RMRP: variants seen among roughly 807,000 people sequenced by gnomAD.
RMRP encodes RNase MRP RNA.
exon 1 of RMRP, chr9:35,657,996 G>C: frequency 1.4e-6 from 1 of 697,500 alleles, no homozygotes; most frequent in East Asian, 2.7e-5. Flanking sequence ...TGTAGCCTAG[G>C]ATACAGGCCT....
At chr9:35,657,845 C>G in exon 1 of RMRP, 1 of 693,818 alleles carries the variant, frequency 1.4e-6, no homozygotes, top group Non-Finnish European at 2.6e-6. Context: ...CCCCGCGCCA[C>G]GCCGCTCAGC....
At position 35,657,921 on chromosome 9, in the gene RMRP, C is replaced by CACT. The variant is rs748911449; in HGVS notation, n.94_96dup. Reference sequence around the variant, plus strand: ...AATGTCTACGTGCGTATGCACGTGGCACTCTCTGCCCGAGGTCCGGGGACT... The same window carrying CACT: ...AATGTCTACGTGCGTATGCACGTGGCACTACTCTCTGCCCGAGGTCCGGGGACT... On this transcript the variant is annotated non_coding_transcript_exon_variant, in exon 1 of 1. Coordinates refer to ENST00000363046, the Ensembl canonical transcript of RMRP. 8.6e-6 allele frequency: 6 copies of CACT among 700,428 alleles called. No individual in the cohort carries two copies. The South Asian group carries it at 8.9e-5, about 10-fold the overall frequency. 43.4% of individuals were successfully genotyped at this position (700,428 alleles called of 1,614,324 possible).
chr9:35,657,771 C>A (rs778202312), exon 1 of RMRP: 2 of 695,614 alleles, frequency 2.9e-6, no homozygotes, highest in South Asian at 3.0e-5. Context: ...TGAGAATGAG[C>A]CCCGTGTGGT....
chr9:35,657,754 G>T, exon 1 of RMRP: 1 of 685,340 alleles, frequency 1.5e-6, no homozygotes, highest in East Asian at 2.7e-5. Flanking sequence ...ACAAAAAACA[G>T]CCGCGCTGAG....
In RMRP at chr9:35,657,833, GC is replaced by G. The variant is rs1563906794; in HGVS notation, n.184del. On this transcript the variant is annotated non_coding_transcript_exon_variant, in exon 1 of 1. Coordinates refer to ENST00000363046, the Ensembl canonical transcript of RMRP. ...TAACTAGAGGGAGCTGACGGATGACGCCCCCGCGCCACGCCGCTCAGCGGGA... is the reference window on the plus strand; with the variant it reads ...TAACTAGAGGGAGCTGACGGATGACGCCCCGCGCCACGCCGCTCAGCGGGA... The G allele has an allele frequency of 1.6e-5, 11 of 693,184 alleles. No individual in the cohort carries two copies. Among genetic ancestry groups the G allele is most frequent in the East Asian group, 5.4e-5 (2 of 37,288 alleles). The allele number at this position is 693,184 out of a possible 1,614,324, so 42.9% of individuals were successfully genotyped here. A position where few individuals can be genotyped will look rare whatever the true frequency, so the allele number is the denominator to read the frequency against.
Position 35,657,973 on chromosome 9 carries a change from A to G in RMRP, n.45T>C, listed in dbSNP as rs529328233. The G allele has an allele frequency of 8.6e-5, 60 of 700,454 alleles. No homozygotes were observed. The highest frequency in any genetic ancestry group is 1.4e-4 in the Non-Finnish European group (55 of 384,808). The allele number at this position is 700,454 out of a possible 1,614,324, so 43.4% of individuals were successfully genotyped here. On this transcript the variant is annotated non_coding_transcript_exon_variant, in exon 1 of 1. Coordinates refer to ENST00000363046, the Ensembl canonical transcript of RMRP. ...TCCCCTAGGCGGAAAGGGGAGGAAC[A>G]GAGTCCTCAGTGTGTAGCCTAGGAT...
Position 35,657,974 on chromosome 9 carries a change from G to C in RMRP, n.44C>G. ...CCCCTAGGCGGAAAGGGGAGGAACA[G>C]AGTCCTCAGTGTGTAGCCTAGGATA... is the stretch of plus-strand genomic sequence containing the variant. On this transcript the variant is annotated non_coding_transcript_exon_variant, in exon 1 of 1. Transcript: ENST00000363046. The C allele has an allele frequency of 2.9e-6, 2 of 700,470 alleles. No homozygotes were observed. The highest frequency in any genetic ancestry group is 5.2e-6 in the Non-Finnish European group (2 of 384,820). 43.4% of individuals were successfully genotyped at this position (700,470 alleles called of 1,614,324 possible). A position where few individuals can be genotyped will look rare whatever the true frequency, so the allele number is the denominator to read the frequency against.
rs370797103 is a variant in RMRP, at chr9:35,657,857, G to A, written n.161C>T. 11 of 694,354 alleles carry A rather than the reference G, an allele frequency of 1.6e-5. No individual in the cohort carries two copies. Among genetic ancestry groups the A allele is most frequent in the East Asian group, 1.3e-4 (5 of 37,288 alleles). 43.0% of individuals were successfully genotyped at this position (694,354 alleles called of 1,614,324 possible). ...CGCCCCCGCGCCACGCCGCTCAGCG[G>A]GATACGCTTCTTGGCGGACTTTGGA... On this transcript the variant is annotated non_coding_transcript_exon_variant, in exon 1 of 1. Transcript: ENST00000363046.
chr9:35,657,908 C>T lies in RMRP; in HGVS notation n.110G>A, dbSNP rs1031995271. 98 of 700,454 alleles carry T rather than the reference C, an allele frequency of 1.4e-4. No homozygotes were observed. The highest frequency in any genetic ancestry group is 4.3e-4 in the East Asian group (16 of 37,282). The allele number at this position is 700,454 out of a possible 1,614,324, so 43.4% of individuals were successfully genotyped here. A position where few individuals can be genotyped will look rare whatever the true frequency, so the allele number is the denominator to read the frequency against. ...GTGGGAAGCGGGGAATGTCTACGTG[C>T]GTATGCACGTGGCACTCTCTGCCCG... is the stretch of plus-strand genomic sequence containing the variant. On this transcript the variant is annotated non_coding_transcript_exon_variant, in exon 1 of 1. Transcript: ENST00000363046.
chr9:35,658,017 C>G lies in RMRP; in HGVS notation n.1G>C, dbSNP rs905844277. On this transcript the variant is annotated non_coding_transcript_exon_variant, in exon 1 of 1. Transcript: ENST00000363046. ...CTAGGATACAGGCCTTCAGCACGAA[C>G]CACGTCCTCAGCTTCACAGAGTAGT... 25 of 690,272 alleles carry G rather than the reference C, an allele frequency of 3.6e-5. 1 individual carries two copies. In the Middle Eastern group the frequency reaches 1.1e-3, roughly 30 times the overall value. 42.8% of individuals were successfully genotyped at this position (690,272 alleles called of 1,614,324 possible). A position where few individuals can be genotyped will look rare whatever the true frequency, so the allele number is the denominator to read the frequency against.
In RMRP at chr9:35,657,968, G is replaced by A. The variant is rs1064793373; in HGVS notation, n.50C>T. The A allele has an allele frequency of 1.9e-5, 13 of 700,342 alleles. No individual in the cohort carries two copies. The highest frequency in any genetic ancestry group is 6.0e-5 in the Admixed American group (3 of 49,996). The allele number at this position is 700,342 out of a possible 1,614,324, so 43.4% of individuals were successfully genotyped here. ...GACTTTCCCCTAGGCGGAAAGGGGA[G>A]GAACAGAGTCCTCAGTGTGTAGCCT... On this transcript the variant is annotated non_coding_transcript_exon_variant, in exon 1 of 1. Coordinates refer to ENST00000363046, the Ensembl canonical transcript of RMRP.
rs184259540 is a variant in RMRP at position 35,657,996 on chromosome 9, G to A, written n.22C>T. On this transcript the variant is annotated non_coding_transcript_exon_variant, in exon 1 of 1. Coordinates refer to ENST00000363046, the Ensembl canonical transcript of RMRP. ...ACAGAGTCCTCAGTGTGTAGCCTAG[G>A]ATACAGGCCTTCAGCACGAACCACG... 6 of 697,500 alleles carry A rather than the reference G, an allele frequency of 8.6e-6. No individual in the cohort carries two copies. The highest frequency in any genetic ancestry group is 8.1e-5 in the East Asian group (3 of 37,188). 43.2% of individuals were successfully genotyped at this position (697,500 alleles called of 1,614,324 possible). A position where few individuals can be genotyped will look rare whatever the true frequency, so the allele number is the denominator to read the frequency against.
chr9:35,657,821 C>CA, exon 1 of RMRP: 1 of 692,894 alleles, frequency 1.4e-6, no homozygotes, highest in Non-Finnish European at 2.6e-6. Flanking sequence ...CTAGAGGGAG[C>CA]TGACGGATGA....
exon 1 of RMRP, chr9:35,657,927 C>CA (rs1823619994): frequency 1.4e-6 from 1 of 700,468 alleles, no homozygotes; most frequent in Non-Finnish European, 2.6e-6. Flanking sequence ...GTGGCACTCT[C>CA]TGCCCGAGGT....
rs905844277 is a variant in RMRP at position 35,658,017 on chromosome 9, C to T, written n.1G>A. ...CTAGGATACAGGCCTTCAGCACGAA[C>T]CACGTCCTCAGCTTCACAGAGTAGT... On this transcript the variant is annotated non_coding_transcript_exon_variant, in exon 1 of 1. Coordinates refer to ENST00000363046, the Ensembl canonical transcript of RMRP. 29 of 690,272 alleles carry T rather than the reference C, an allele frequency of 4.2e-5. No homozygotes were observed. The highest frequency in any genetic ancestry group is 2.1e-4 in the African/African-American group (12 of 56,946). 42.8% of individuals were successfully genotyped at this position (690,272 alleles called of 1,614,324 possible). A position where few individuals can be genotyped will look rare whatever the true frequency, so the allele number is the denominator to read the frequency against.
rs767355005 is a variant in RMRP at position 35,657,925 on chromosome 9, C to T, written n.93G>A. ...TCTACGTGCGTATGCACGTGGCACT[C>T]TCTGCCCGAGGTCCGGGGACTTTCC... is the stretch of plus-strand genomic sequence containing the variant. On this transcript the variant is annotated non_coding_transcript_exon_variant, in exon 1 of 1. Transcript: ENST00000363046. 5.1e-5 allele frequency: 36 copies of T among 700,342 alleles called. No individual in the cohort carries two copies. The highest frequency in any genetic ancestry group is 7.5e-5 in the Non-Finnish European group (29 of 384,826). 43.4% of individuals were successfully genotyped at this position (700,342 alleles called of 1,614,324 possible). A position where few individuals can be genotyped will look rare whatever the true frequency, so the allele number is the denominator to read the frequency against.
exon 1 of RMRP, chr9:35,657,953 T>TG (rs1563907412): frequency 1.4e-6 from 1 of 700,432 alleles, no homozygotes; most frequent in Non-Finnish European, 2.6e-6. Context: ...GACTTTCCCC[T>TG]AGGCGGAAAG....
chr9:35,657,842 C>A lies in RMRP; in HGVS notation n.176G>T, dbSNP rs750141239. On this transcript the variant is annotated non_coding_transcript_exon_variant, in exon 1 of 1. Transcript: ENST00000363046. ...GGAGCTGACGGATGACGCCCCCGCGCCACGCCGCTCAGCGGGATACGCTTC... is the reference window on the plus strand; with the variant it reads ...GGAGCTGACGGATGACGCCCCCGCGACACGCCGCTCAGCGGGATACGCTTC... 8.6e-6 allele frequency: 6 copies of A among 700,324 alleles called. No homozygotes were observed. The South Asian group carries it at 8.9e-5, about 10-fold the overall frequency. The allele number at this position is 700,324 out of a possible 1,614,324, so 43.4% of individuals were successfully genotyped here.
chr9:35,657,965 G>T, exon 1 of RMRP: 3 of 700,470 alleles, frequency 4.3e-6, no homozygotes, highest in South Asian at 3.0e-5. Flanking sequence ...GGCGGAAAGG[G>T]GAGGAACAGA....
Sources: gnomAD v4.1 joint callset for allele counts on GRCh38, gnomAD v4.1.1 for gene constraint, MANE v1.5 for transcripts, NCBI Gene and HGNC (gene_info 2026-07-23, HGNC 2026-07-21) for gene names.